PRR5L: variants seen among roughly 807,000 people sequenced by gnomAD.
PRR5L encodes proline-rich protein 5-like.
A neutral mutation model predicts 36.4 loss-of-function variants in PRR5L; 21 were observed. That is an observed-to-expected ratio of 0.58 (90% CI 0.41 to 0.83). The LOEUF (loss-of-function observed/expected upper bound fraction) is 0.83. Among genes scored for constraint, PRR5L ranks in the 40% least tolerant of loss-of-function variants. The pLI is 0.00. For missense variants in PRR5L, 381 were observed against 473.3 expected (o/e 0.80, Z 1.81); for synonymous variants, 188 against 197.0 (o/e 0.95, Z 0.38).
At chr11:36,352,550 G>T (rs1856986462) in intron 1 of PRR5L, among the ~76,000 whole-genome samples, 1 of 152,140 alleles carries the variant, frequency 6.6e-6, no homozygotes, top group African/African-American at 2.4e-5. Flanking sequence ...GTTGAGCCCA[G>T]GGAGGTTAAA....
chr11:36,446,318 C>T lies in PRR5L; in HGVS notation c.463C>T (p.Arg155Cys), dbSNP rs1858828002. The T allele has an allele frequency of 1.6e-5, 26 of 1,613,942 alleles. No homozygotes were observed. Among genetic ancestry groups the T allele is most frequent in the Non-Finnish European group, 1.9e-5 (23 of 1,180,020 alleles). ...YPVQGQELTI[R>C]QISLLGFRDL... ...CCTCTAGGGCCAGGAGCTGACTATC[C>T]GCCAGATCTCCCTGCTGGGCTTCCG... The change falls in exon 7 of 9, where the codon CGC (arginine) becomes TGC (cysteine). Residue 155 changes from arginine (R) to cysteine (C), a missense_variant. Transcript: ENST00000530639.
At chr11:36,376,215 G>C in intron 1 of PRR5L, 1 of 1,291,544 alleles carries the variant, frequency 7.7e-7, no homozygotes, top group Non-Finnish European at 1.0e-6. Context: ...TGCTGAAGGG[G>C]AGGAGGAGTG....
At chr11:36,318,547 A>G (rs1856581356) in intron 1 of PRR5L, among the ~76,000 whole-genome samples, 1 of 151,898 alleles carries the variant, frequency 6.6e-6, no homozygotes, top group African/African-American at 2.4e-5. Flanking sequence ...TTAGCTATGA[A>G]TCACGATGGA....
rs76989513 is a variant in PRR5L at position 36,334,758 on chromosome 11, TG to T, written c.-126+38321del. Among the ~76,000 whole-genome samples the T allele has an allele frequency of 4.7e-4, 71 of 152,340 alleles. 3 individuals are homozygous for T. In the East Asian group the frequency reaches 0.012, roughly 26 times the overall value. The stretch of plus-strand genomic sequence containing the variant: ...CATACACTAGACTGTAAGCTCCTTT[TG>T]TTCACCTTTGTATTCTGGAATCTAA... On this transcript the variant is annotated intron_variant, in intron 1 of 8. Transcript: ENST00000530639.
At position 36,376,421 on chromosome 11, in the gene PRR5L, T is replaced by A. The variant is rs561571848; in HGVS notation, c.-125-24576T>A. ...GAGGGAAACGTGTCACCAGCCCGGCTGTGGGAGCTCCGCGGCCGAAGCGTT... is the reference window on the plus strand; with the variant it reads ...GAGGGAAACGTGTCACCAGCCCGGCAGTGGGAGCTCCGCGGCCGAAGCGTT... On this transcript the variant is annotated intron_variant, in intron 1 of 8. Transcript: ENST00000530639. 11 of 1,136,942 alleles carry A rather than the reference T, an allele frequency of 9.7e-6. No individual in the cohort carries two copies. In the African/African-American group the frequency reaches 1.5e-4, roughly 16 times the overall value. The allele number at this position is 1,136,942 out of a possible 1,614,324, so 70.4% of individuals were successfully genotyped here.
intron 1 of PRR5L, among the ~76,000 whole-genome samples, chr11:36,360,840 T>C (rs919010200): frequency 4.6e-5 from 7 of 152,200 alleles, no homozygotes; most frequent in Admixed American, 4.6e-4. Context: ...ATCACCCTGG[T>C]GTACACTAAT....
intron 1 of PRR5L, chr11:36,380,592 A>G (rs1018286638): frequency 6.6e-6 from 1 of 152,210 alleles, no homozygotes; most frequent in Non-Finnish European, 1.5e-5. Flanking sequence ...AGCAAAGGTT[A>G]GTGATTACCT....
chr11:36,436,649 G>A (rs977502743), intron 5 of PRR5L, among the ~76,000 whole-genome samples: 2 of 152,182 alleles, frequency 1.3e-5, no homozygotes, highest in African/African-American at 4.8e-5. Context: ...CCAGAATAAA[G>A]CCAATATCTT....
At chr11:36,445,365 A>C (rs1220685861) in intron 6 of PRR5L, among the ~76,000 whole-genome samples, 1 of 152,196 alleles carries the variant, frequency 6.6e-6, no homozygotes, top group East Asian at 1.9e-4. Context: ...AAAATCAAGA[A>C]GTTTGGGTTT....
chr11:36,359,847 G>A (rs1018674901), intron 1 of PRR5L, among the ~76,000 whole-genome samples: 18 of 152,108 alleles, frequency 1.2e-4, no homozygotes, highest in African/African-American at 4.3e-4. Flanking sequence ...GAGTTTGAAG[G>A]CCAACAGGGC....
intron 1 of PRR5L, among the ~76,000 whole-genome samples, chr11:36,307,152 G>T (rs772661745): frequency 6.6e-6 from 1 of 152,130 alleles, no homozygotes; most frequent in African/African-American, 2.4e-5. Context: ...TTGCTAGAAG[G>T]CACCAAAAAG....
rs1357545829 is a variant in PRR5L at position 36,463,623 on chromosome 11, AT to A, written c.*892del. On this transcript the variant is annotated 3_prime_UTR_variant, in exon 9 of 9. Transcript: ENST00000530639. Reference sequence around the variant, plus strand: ...ATCTATCTATCTGGATTTGACTTGAATTTTTAAAATGTGTATCGTTTAAAAA... The same window carrying A: ...ATCTATCTATCTGGATTTGACTTGAATTTTAAAATGTGTATCGTTTAAAAA... 3 of 149,210 alleles carry A rather than the reference AT, an allele frequency of 2.0e-5. No individual in the cohort carries two copies. Among genetic ancestry groups the A allele is most frequent in the African/African-American group, 7.5e-5 (3 of 39,946 alleles). The allele number at this position is 149,210 out of a possible 1,614,324, so 9.2% of individuals were successfully genotyped here.
At chr11:36,414,287 A>G (rs1858093113) in intron 3 of PRR5L, among the ~76,000 whole-genome samples, 1 of 150,254 alleles carries the variant, frequency 6.7e-6, no homozygotes, top group Admixed American at 6.6e-5. Context: ...AGGAATCGCC[A>G]CACTGACTTC....
At chr11:36,427,582 G>A (rs1858408261) in intron 4 of PRR5L, among the ~76,000 whole-genome samples, 1 of 152,128 alleles carries the variant, frequency 6.6e-6, no homozygotes. Flanking sequence ...TGGACACTTA[G>A]GAAGAACAAA....
At chr11:36,384,484 T>C (rs1470060589) in intron 1 of PRR5L, among the ~76,000 whole-genome samples, 1 of 152,188 alleles carries the variant, frequency 6.6e-6, no homozygotes, top group Non-Finnish European at 1.5e-5. Context: ...GACACTCTAA[T>C]GTTTGGTTGA....
At chr11:36,433,250 T>C (rs1235214687) in intron 5 of PRR5L, among the ~76,000 whole-genome samples, 1 of 152,164 alleles carries the variant, frequency 6.6e-6, no homozygotes, top group African/African-American at 2.4e-5. Flanking sequence ...ATTGAACAAC[T>C]CCCAACATTG....
chr11:36,331,047 C>T (rs1856713589), intron 1 of PRR5L, among the ~76,000 whole-genome samples: 1 of 152,142 alleles, frequency 6.6e-6, no homozygotes, highest in African/African-American at 2.4e-5. Flanking sequence ...CTCAATTGAT[C>T]CTCCTGCCTT....
At chr11:36,375,817 G>A (rs1467839586) in intron 1 of PRR5L, among the ~76,000 whole-genome samples, 1 of 152,220 alleles carries the variant, frequency 6.6e-6, no homozygotes, top group Admixed American at 6.5e-5. Context: ...GTTAGAAAAT[G>A]AGTTTGGGAG....
intron 6 of PRR5L, among the ~76,000 whole-genome samples, chr11:36,441,001 C>T (rs942124613): frequency 2.6e-5 from 4 of 152,126 alleles, no homozygotes; most frequent in African/African-American, 9.7e-5. Context: ...GGGATCTGTC[C>T]CTATGACTCT....
Sources: allele counts gnomAD v4.1 joint callset (sites outside exome capture counted in the v4.1 genomes callset), GRCh38; gene constraint gnomAD v4.1.1; transcripts MANE v1.5; gene names NCBI Gene and HGNC (gene_info 2026-07-23, HGNC 2026-07-21).